POLA1: variants seen among roughly 807,000 people sequenced by gnomAD.
The protein encoded by POLA1 is DNA polymerase alpha 1, catalytic subunit.
A neutral mutation model predicts 124.0 loss-of-function variants in POLA1; 15 were observed. That is an observed-to-expected ratio of 0.12 (90% CI 0.08 to 0.19). The LOEUF is 0.19. Ranked by LOEUF, POLA1 falls within the 10% of genes least tolerant of loss-of-function variation. The probability of loss-of-function intolerance (pLI) is 1.00; values close to 1 mark genes in which losing one functional copy is unlikely to be tolerated. For missense variants in POLA1, 886 were observed against 1,103.4 expected (o/e 0.80, Z 2.79); for synonymous variants, 408 against 389.4 (o/e 1.05, Z -0.56).
chrX:24,741,328 T>C (rs766142006), intron 20 of POLA1, 47 bp from the exon 21 acceptor site: 1 of 1,051,942 alleles, frequency 9.5e-7, no homozygotes, highest in South Asian at 2.2e-5. Context: ...ATAGGCATTG[T>C]TTCTTTTAAT....
At chrX:24,964,623 A>C (rs2048202799) in intron 36 of POLA1, among the ~76,000 whole-genome samples, 1 of 112,762 alleles carries the variant, frequency 8.9e-6, no homozygotes, top group South Asian at 3.6e-4. Context: ...GCGTATTTTG[A>C]AAGGCACTTG....
intron 34 of POLA1, among the ~76,000 whole-genome samples, chrX:24,880,980 A>T (rs1223458642): frequency 8.9e-6 from 1 of 111,932 alleles, no homozygotes; most frequent in Admixed American, 9.5e-5. Flanking sequence ...TACAATTTAA[A>T]CTAAATCGTA....
At chrX:24,932,690 G>A (rs1442694783) in intron 36 of POLA1, among the ~76,000 whole-genome samples, 1 of 111,402 alleles carries the variant, frequency 9.0e-6, no homozygotes, top group Admixed American at 9.5e-5. Flanking sequence ...GACGAGAAGA[G>A]AAAAAAATAT....
In POLA1 at chrX:24,723,957, G is replaced by C. The variant is rs11573341; in HGVS notation, c.1201-378G>C. On this transcript the variant is annotated intron_variant, in intron 11 of 36. Transcript: ENST00000379068. ...GCCTCCCAAAGTGCTGGGATTACAG[G>C]CATGAGCCACTGCGCTCAGTCTGCT... is the stretch of plus-strand genomic sequence containing the variant. Among the ~76,000 whole-genome samples, 229 of 112,757 alleles carry C rather than the reference G, an allele frequency of 2.0e-3. 3 individuals carry two copies. In the East Asian group the frequency reaches 0.06, roughly 30 times the overall value.
At chrX:24,836,814 C>T (rs1027134706) in intron 32 of POLA1, among the ~76,000 whole-genome samples, 7 of 111,540 alleles carry the variant, frequency 6.3e-5, no homozygotes, top group Admixed American at 1.9e-4. Flanking sequence ...GGGATTTTTT[C>T]GGATTTTGTA....
rs775865399 is a variant in POLA1, at chrX:24,953,565, G to A, written c.4261+23016G>A. Among the ~76,000 whole-genome samples, 6 of 112,169 alleles carry A rather than the reference G, an allele frequency of 5.3e-5. No homozygotes were observed. In the South Asian group the frequency reaches 2.2e-3, roughly 42 times the overall value. On this transcript the variant is annotated intron_variant, in intron 36 of 36. Transcript: ENST00000379068. ...ACCAGGGGAACAACCAGAGGAAAAA[G>A]TCTGAAGCTGGAGCATCTTAGGACA...
chrX:24,866,116 A>G (rs1359624732), intron 34 of POLA1, among the ~76,000 whole-genome samples: 2 of 112,229 alleles, frequency 1.8e-5, no homozygotes, highest in Non-Finnish European at 3.8e-5. Flanking sequence ...TTATTGATTG[A>G]AGATTCAATT....
chrX:24,925,211 T>G (rs2047673567), intron 35 of POLA1, among the ~76,000 whole-genome samples: 1 of 111,807 alleles, frequency 8.9e-6, no homozygotes, highest in South Asian at 3.7e-4. Context: ...ACGTTTTGGG[T>G]TTTTTGGCAG....
At chrX:24,933,313 A>G (rs902682623) in intron 36 of POLA1, among the ~76,000 whole-genome samples, 3 of 112,066 alleles carry the variant, frequency 2.7e-5, no homozygotes, top group African/African-American at 9.7e-5. Context: ...AACAAATAAA[A>G]TTGACTTCTC....
chrX:24,794,849 T>A (rs766433031), intron 26 of POLA1, among the ~76,000 whole-genome samples: 12 of 110,211 alleles, frequency 1.1e-4, no homozygotes, highest in African/African-American at 3.9e-4. Flanking sequence ...CTCAAAAGGG[T>A]GTCTTCGGCT....
intron 12 of POLA1, among the ~76,000 whole-genome samples, chrX:24,725,204 T>A (rs1166097371): frequency 9.8e-6 from 1 of 102,033 alleles, no homozygotes; most frequent in African/African-American, 3.6e-5. Context: ...TTTTTTTTTT[T>A]TTTTTTTTGA....
chrX:24,702,093 G>A (rs1990332567), intron 2 of POLA1, among the ~76,000 whole-genome samples: 1 of 97,165 alleles, frequency 1.0e-5, no homozygotes, highest in African/African-American at 3.9e-5. Flanking sequence ...ATGGAGACTC[G>A]GTCTCTTACC....
At chrX:24,747,314 C>T (rs1440846302) in intron 24 of POLA1, among the ~76,000 whole-genome samples, 12 of 109,347 alleles carry the variant, frequency 1.1e-4, no homozygotes, top group Admixed American at 2.9e-4. Flanking sequence ...TACAGGCATG[C>T]GCCACCATGC....
chrX:24,887,097 C>T (rs1347053451), intron 34 of POLA1, among the ~76,000 whole-genome samples: 4 of 112,284 alleles, frequency 3.6e-5, no homozygotes, highest in African/African-American at 9.7e-5. Flanking sequence ...GCATGTAGCA[C>T]GAAAGCCCAC....
intron 34 of POLA1, among the ~76,000 whole-genome samples, chrX:24,865,951 G>A (rs903482683): frequency 2.7e-5 from 3 of 111,850 alleles, no homozygotes; most frequent in Admixed American, 1.9e-4. Flanking sequence ...CACAAGCAAT[G>A]TGACTGAGCT....
chrX:24,728,113 G>T (rs1489629244), intron 15 of POLA1, among the ~76,000 whole-genome samples, 177 bp downstream of exon 15: 1 of 112,376 alleles, frequency 8.9e-6, no homozygotes. Flanking sequence ...TTTTCTTAAA[G>T]ACTTAAATTG....
intron 18 of POLA1, among the ~76,000 whole-genome samples, chrX:24,736,308 C>T (rs983128996): frequency 9.0e-6 from 1 of 111,730 alleles, no homozygotes; most frequent in South Asian, 3.8e-4. Context: ...GGATAGGAAG[C>T]GATATCTCTG....
intron 19 of POLA1, among the ~76,000 whole-genome samples, chrX:24,738,183 G>A (rs1046914245): frequency 1.1e-4 from 9 of 82,826 alleles, no homozygotes; most frequent in Non-Finnish European, 1.9e-4. Flanking sequence ...ACTGCAGTCC[G>A]CAGTCCGGCC....
chrX:24,742,207 A>C, intron 22 of POLA1, 86 bp downstream of exon 22: 1 of 838,536 alleles, frequency 1.2e-6, no homozygotes, highest in Non-Finnish European at 1.7e-6. Context: ...TTCTGTGATA[A>C]CATCTGCTTT....
Sources: allele counts gnomAD v4.1 joint callset (sites outside exome capture counted in the v4.1 genomes callset), GRCh38; gene constraint gnomAD v4.1.1; transcripts MANE v1.5; gene names NCBI Gene and HGNC (gene_info 2026-07-23, HGNC 2026-07-21).